GRID2: variants seen among roughly 807,000 people sequenced by gnomAD.
GRID2 encodes the protein glutamate ionotropic receptor delta type subunit 2.
Under a neutral mutation model 114.8 loss-of-function variants are expected in GRID2, and 33 were observed. The ratio of observed to expected loss-of-function variants is 0.29; its 90% CI spans 0.22 to 0.38. The LOEUF (loss-of-function observed/expected upper bound fraction) is 0.38. GRID2 is among the 10% of genes least tolerant of loss of function. GRID2 has a pLI of 1.00. For missense variants in GRID2, 1,184 were observed against 1,257.7 expected, an observed-to-expected ratio of 0.94 and a Z score of 0.89; for synonymous variants, 505 against 449.9, an observed-to-expected ratio of 1.12 and a Z score of -1.55.
intron 8 of GRID2, among the ~76,000 whole-genome samples, chr4:93,384,675 A>T (rs1213333769): frequency 6.6e-6 from 1 of 152,164 alleles, no homozygotes; most frequent in Non-Finnish European, 1.5e-5. Flanking sequence ...TGGTGGGAGA[A>T]TGATGTATTT....
chr4:92,656,607 C>T (rs1732250460), intron 2 of GRID2, among the ~76,000 whole-genome samples: 1 of 151,694 alleles, frequency 6.6e-6, no homozygotes, highest in Non-Finnish European at 1.5e-5. Context: ...AAAATCATCA[C>T]AATCTAATCA....
chr4:93,297,996 G>A (rs940165546), intron 8 of GRID2, among the ~76,000 whole-genome samples: 1 of 151,996 alleles, frequency 6.6e-6, no homozygotes, highest in African/African-American at 2.4e-5. Context: ...CCTAGACTTT[G>A]GCTCTGGAAT....
At chr4:92,930,054 GA>G (rs762421944) in intron 2 of GRID2, among the ~76,000 whole-genome samples, 100 of 151,294 alleles carry the variant, frequency 6.6e-4, no homozygotes, top group Non-Finnish European at 1.1e-3. Flanking sequence ...CACAGAAGAA[GA>G]AAATATGTAT....
At chr4:92,359,113 C>G (rs1728483732) in intron 1 of GRID2, among the ~76,000 whole-genome samples, 1 of 151,902 alleles carries the variant, frequency 6.6e-6, no homozygotes. Context: ...CCTTAACTAA[C>G]TACCAAATTT....
At chr4:93,273,979 A>G (rs1442274964) in intron 8 of GRID2, among the ~76,000 whole-genome samples, 1 of 152,162 alleles carries the variant, frequency 6.6e-6, no homozygotes, top group African/African-American at 2.4e-5. Context: ...TTCACTTTTT[A>G]TAATGCAGAA....
At position 93,490,733 on chromosome 4, in the gene GRID2, C is replaced by T. The variant is rs758537400; in HGVS notation, c.1953C>T (p.Asn651=). 6.2e-7 allele frequency: 1 copy of T among 1,610,536 alleles called. No individual in the cohort carries two copies. The highest frequency in any genetic ancestry group is 1.1e-5 in the South Asian group (1 of 90,962). Residue 651 remains asparagine, a synonymous_variant, in exon 12 of 16, where the codon AAC becomes AAT. Transcript: ENST00000282020. The part of the protein sequence containing the change: ...ALIVISSYTA[N]LAAFLTITRI... ...TTGTTATCTCATCTTACACGGCAAA[C>T]CTCGCTGCTTTCCTCACTATTACAC...
chr4:93,236,096 AACTT>A (rs142222021), intron 7 of GRID2, among the ~76,000 whole-genome samples: 2,327 of 152,202 alleles, frequency 0.015, 68 homozygotes, highest in African/African-American at 0.053. Flanking sequence ...CAAGTTTTTG[AACTT>A]ACTTGTAGTA....
intron 8 of GRID2, among the ~76,000 whole-genome samples, chr4:93,247,051 A>T (rs1017397110): frequency 2.0e-5 from 3 of 152,212 alleles, no homozygotes; most frequent in Non-Finnish European, 2.9e-5. Flanking sequence ...TCAGGTAAGC[A>T]GCATTCACTG....
At chr4:93,199,949 A>G (rs2149458851) in intron 4 of GRID2, among the ~76,000 whole-genome samples, 1 of 152,314 alleles carries the variant, frequency 6.6e-6, no homozygotes, top group Admixed American at 6.5e-5. Context: ...TACCTTGAGA[A>G]GGTTGGAGTT....
chr4:92,731,032 A>G (rs1405241686), intron 2 of GRID2, among the ~76,000 whole-genome samples: 1 of 151,922 alleles, frequency 6.6e-6, no homozygotes, highest in Non-Finnish European at 1.5e-5. Flanking sequence ...AGGAATTATA[A>G]TTTATGTGGT....
intron 1 of GRID2, among the ~76,000 whole-genome samples, chr4:92,364,154 A>G (rs1445710337): frequency 6.6e-6 from 1 of 151,970 alleles, no homozygotes; most frequent in Non-Finnish European, 1.5e-5. Flanking sequence ...ACATTTCTAC[A>G]CTCATGGTAA....
At chr4:92,722,295 G>C (rs1735846912) in intron 2 of GRID2, among the ~76,000 whole-genome samples, 1 of 152,122 alleles carries the variant, frequency 6.6e-6, no homozygotes, top group South Asian at 2.1e-4. Context: ...TATGAGGCAA[G>C]GAGAAAAGCT....
intron 14 of GRID2, among the ~76,000 whole-genome samples, chr4:93,659,936 A>G (rs993360038): frequency 1.3e-5 from 2 of 152,144 alleles, no homozygotes; most frequent in Non-Finnish European, 2.9e-5. Context: ...ACTTTAAAAA[A>G]TTGCTTTCAC....
chr4:93,270,799 T>C (rs1313589026), intron 8 of GRID2, among the ~76,000 whole-genome samples: 1 of 152,100 alleles, frequency 6.6e-6, no homozygotes, highest in Non-Finnish European at 1.5e-5. Flanking sequence ...CAGCTAATTT[T>C]TGTATGTTTA....
At chr4:92,684,584 G>T (rs1442988110) in intron 2 of GRID2, among the ~76,000 whole-genome samples, 1 of 151,918 alleles carries the variant, frequency 6.6e-6, no homozygotes, top group Non-Finnish European at 1.5e-5. Context: ...ATTACAAACA[G>T]GCAGATAGTA....
intron 11 of GRID2, among the ~76,000 whole-genome samples, chr4:93,471,052 G>A (rs971209363): frequency 6.6e-6 from 1 of 151,654 alleles, no homozygotes. Context: ...GGAATTCAAA[G>A]GAAGTAAAGG....
intron 2 of GRID2, among the ~76,000 whole-genome samples, chr4:92,781,683 T>C (rs1055869144): frequency 2.0e-5 from 3 of 152,098 alleles, no homozygotes; most frequent in African/African-American, 7.2e-5. Flanking sequence ...TTCAAACTTC[T>C]ACTTTTATCA....
chr4:93,155,382 C>T (rs1737083886), intron 4 of GRID2, among the ~76,000 whole-genome samples: 1 of 151,896 alleles, frequency 6.6e-6, no homozygotes, highest in African/African-American at 2.4e-5. Context: ...TTGCAGATGC[C>T]ACCATTTTAT....
intron 2 of GRID2, among the ~76,000 whole-genome samples, chr4:92,929,468 A>G (rs1283954288): frequency 6.6e-6 from 1 of 151,382 alleles, no homozygotes; most frequent in Non-Finnish European, 1.5e-5. Flanking sequence ...TTAGGTTATA[A>G]TGTTTTAACT....
Sources: gnomAD v4.1 joint callset for allele counts (sites outside exome capture counted in the v4.1 genomes callset) on GRCh38, gnomAD v4.1.1 for gene constraint, MANE v1.5 for transcripts, NCBI Gene and HGNC (gene_info 2026-07-23, HGNC 2026-07-21) for gene names.